The following CHRM2 variants were observed in gnomAD, a reference collection of about 807,000 sequenced individuals.
CHRM2 encodes muscarinic acetylcholine receptor M2.
A neutral mutation model predicts 25.0 loss-of-function variants in CHRM2; 8 were observed. That is an observed-to-expected ratio of 0.32 (90% CI 0.19 to 0.58). The LOEUF (loss-of-function observed/expected upper bound fraction) is 0.58, where lower values mean the gene tolerates loss of function less well. Among genes scored for constraint, CHRM2 ranks in the 20% least tolerant of loss-of-function variants. The pLI is 0.88. For missense variants in CHRM2, 440 were observed against 567.1 expected (o/e 0.78, Z 2.28); for synonymous variants, 202 against 205.7 (o/e 0.98, Z 0.15).
intron 2 of CHRM2, among the ~76,000 whole-genome samples, chr7:136,918,104 A>G (rs942874525): frequency 6.6e-6 from 1 of 152,124 alleles, no homozygotes; most frequent in African/African-American, 2.4e-5. Context: ...AAGGACCACC[A>G]TGTCCATGTG....
chr7:136,886,869 T>A (rs1418400559), intron 2 of CHRM2, among the ~76,000 whole-genome samples: 1 of 152,068 alleles, frequency 6.6e-6, no homozygotes, highest in Non-Finnish European at 1.5e-5. Context: ...TGAGACCCTG[T>A]CTCAAAAAGA....
intron 3 of CHRM2, among the ~76,000 whole-genome samples, chr7:137,013,630 A>G (rs1042961208): frequency 1.3e-5 from 2 of 151,998 alleles, no homozygotes; most frequent in Admixed American, 6.6e-5. Flanking sequence ...TCCCCAATAT[A>G]CATTTTCCAT....
intron 2 of CHRM2, among the ~76,000 whole-genome samples, chr7:136,941,765 G>A (rs1373147375): frequency 6.6e-6 from 1 of 152,128 alleles, no homozygotes; most frequent in Non-Finnish European, 1.5e-5. Context: ...TGTTAACTTT[G>A]AGACTGTTGT....
chr7:136,912,507 T>C (rs1797895687), intron 2 of CHRM2, among the ~76,000 whole-genome samples: 1 of 151,846 alleles, frequency 6.6e-6, no homozygotes, highest in Non-Finnish European at 1.5e-5. Context: ...CACTGCAGTC[T>C]CTTCATCACA....
At chr7:136,980,081 G>A (rs1802382050) in intron 2 of CHRM2, among the ~76,000 whole-genome samples, 1 of 152,188 alleles carries the variant, frequency 6.6e-6, no homozygotes, top group Admixed American at 6.5e-5. Context: ...CCATGAGCAT[G>A]AAATGTTTTT....
At chr7:136,907,156 G>C (rs1584734089) in intron 2 of CHRM2, among the ~76,000 whole-genome samples, 1 of 151,910 alleles carries the variant, frequency 6.6e-6, no homozygotes, top group South Asian at 2.1e-4. Flanking sequence ...TGTAAATACA[G>C]ATGAAGCTTC....
intron 3 of CHRM2, among the ~76,000 whole-genome samples, chr7:136,996,783 A>G (rs1456720252): frequency 6.6e-6 from 1 of 152,208 alleles, no homozygotes; most frequent in Non-Finnish European, 1.5e-5. Flanking sequence ...AATGTCTGTG[A>G]TTATCTTTAT....
chr7:137,003,473 TAC>T (rs57626583), intron 3 of CHRM2, among the ~76,000 whole-genome samples: 36 of 136,912 alleles, frequency 2.6e-4, no homozygotes, highest in Admixed American at 1.6e-3. Context: ...CATGCATGCA[TAC>T]ACACACACAC....
chr7:136,997,776 T>G (rs1359328847), intron 3 of CHRM2, among the ~76,000 whole-genome samples: 1 of 152,216 alleles, frequency 6.6e-6, no homozygotes, highest in Non-Finnish European at 1.5e-5. Context: ...GTAGCATGTC[T>G]GAAACATGCC....
At chr7:136,994,625 G>A (rs1223235322) in intron 3 of CHRM2, among the ~76,000 whole-genome samples, 2 of 147,318 alleles carry the variant, frequency 1.4e-5, no homozygotes, top group Non-Finnish European at 3.0e-5. Flanking sequence ...CCTCCTCGTG[G>A]GTCCAAGCGA....
intron 2 of CHRM2, among the ~76,000 whole-genome samples, chr7:136,881,861 T>C (rs1158116188): frequency 1.3e-5 from 2 of 152,036 alleles, no homozygotes; most frequent in Non-Finnish European, 2.9e-5. Flanking sequence ...TACTTTCCAC[T>C]TCTCTTTCTC....
chr7:136,904,381 A>G (rs555615251), intron 2 of CHRM2, among the ~76,000 whole-genome samples: 11 of 152,064 alleles, frequency 7.2e-5, no homozygotes, highest in African/African-American at 2.6e-4. Flanking sequence ...ATTTTGTTAA[A>G]TTATAGATGG....
intron 2 of CHRM2, among the ~76,000 whole-genome samples, chr7:136,910,375 A>G (rs1389797242): frequency 6.6e-6 from 1 of 151,836 alleles, no homozygotes; most frequent in African/African-American, 2.4e-5. Flanking sequence ...GTTTGAATTG[A>G]AGCCAAGTCA....
At chr7:136,880,993 C>G (rs1043970509) in intron 2 of CHRM2, among the ~76,000 whole-genome samples, 3 of 151,384 alleles carry the variant, frequency 2.0e-5, no homozygotes, top group Non-Finnish European at 4.4e-5. Context: ...TTAACTTTTA[C>G]ATAAGGTCAA....
At chr7:136,938,582 C>T (rs1476816946) in intron 2 of CHRM2, 2 of 879,746 alleles carry the variant, frequency 2.3e-6, no homozygotes, top group Non-Finnish European at 3.9e-6. Context: ...ATAGCCGCTG[C>T]CCAGGCCACC....
At chr7:137,000,911 C>A (rs201473440) in intron 3 of CHRM2, among the ~76,000 whole-genome samples, 3 of 152,072 alleles carry the variant, frequency 2.0e-5, no homozygotes, top group Admixed American at 1.3e-4. Context: ...CTCCATTGAG[C>A]CTTTAACCAT....
In CHRM2 at chr7:137,019,251, G is replaced by A. The variant is rs1775800865; in HGVS notation, c.*2985G>A. On this transcript the variant is annotated 3_prime_UTR_variant, in exon 4 of 4. Coordinates refer to ENST00000680005, the MANE Select transcript of CHRM2 (RefSeq NM_001006630.2). ...GAAAAAGGTAATACTCACCAACCAT[G>A]TATCAGAAAAACTTTTCTCCTGAGT... 6.6e-6 allele frequency: 1 copy of A among 151,874 alleles called. No homozygotes were observed. Among genetic ancestry groups the A allele is most frequent in the Non-Finnish European group, 1.5e-5 (1 of 67,910 alleles). The allele number at this position is 151,874 out of a possible 1,614,324, so 9.4% of individuals were successfully genotyped here. A position where few individuals can be genotyped will look rare whatever the true frequency, so the allele number is the denominator to read the frequency against.
intron 2 of CHRM2, among the ~76,000 whole-genome samples, chr7:136,956,747 C>T (rs1800746103): frequency 6.6e-6 from 1 of 151,924 alleles, no homozygotes; most frequent in Admixed American, 6.6e-5. Flanking sequence ...AGTCAGTTGC[C>T]AAGAAGATAT....
In CHRM2 at chr7:136,944,745, A is replaced by G. The variant is rs185689350; in HGVS notation, c.-124-47442A>G. On this transcript the variant is annotated intron_variant, in intron 2 of 3. Transcript: ENST00000680005. ...ACTTTTAGTTCTTTAAGGAATCGCC[A>G]CATTGTTTTCCGTAGTGGTTGTACT... Among the ~76,000 whole-genome samples the G allele has an allele frequency of 2.6e-5, 4 of 152,192 alleles. No homozygotes were observed. In the East Asian group the frequency reaches 5.8e-4, roughly 22 times the overall value.
Sources: gnomAD v4.1 joint callset for allele counts (sites outside exome capture counted in the v4.1 genomes callset) on GRCh38, gnomAD v4.1.1 for gene constraint, MANE v1.5 for transcripts, NCBI Gene and HGNC (gene_info 2026-07-23, HGNC 2026-07-21) for gene names.